Variants in RBFOX1 observed in about 807,000 individuals in gnomAD.
The protein encoded by RBFOX1 is RNA binding protein fox-1 homolog 1.
A neutral mutation model predicts 57.7 loss-of-function variants in RBFOX1; 8 were observed. The observed-to-expected ratio is 0.14, with a 90% CI of 0.08 to 0.25. The LOEUF (loss-of-function observed/expected upper bound fraction) is 0.25, where lower values mean the gene tolerates loss of function less well. Ranked by LOEUF, RBFOX1 falls within the 10% of genes least tolerant of loss-of-function variation. RBFOX1 has a pLI of 1.00. For synonymous variants in RBFOX1, 326 were observed against 222.4 expected, an observed-to-expected ratio of 1.47 and a Z score of -4.15; for missense variants, 611 against 548.5, an observed-to-expected ratio of 1.11 and a Z score of -1.14.
intron 4 of RBFOX1, among the ~76,000 whole-genome samples, chr16:7,325,930 G>T (rs1371006808): frequency 2.0e-5 from 3 of 152,148 alleles, no homozygotes; most frequent in Non-Finnish European, 4.4e-5. Context: ...TTGAGTGCAT[G>T]TCTGGCAGTG....
chr16:5,868,841 G>A (rs1418950635), intron 4 of RBFOX1, among the ~76,000 whole-genome samples: 1 of 152,190 alleles, frequency 6.6e-6, no homozygotes, highest in African/African-American at 2.4e-5. Flanking sequence ...GCTGTCGAGA[G>A]CATTAAAATG....
intron 3 of RBFOX1, among the ~76,000 whole-genome samples, chr16:6,847,058 C>A (rs962461594): frequency 6.6e-6 from 1 of 152,116 alleles, no homozygotes; most frequent in Non-Finnish European, 1.5e-5. Flanking sequence ...TTCTGCCTCT[C>A]TTGTAAAGTG....
chr16:7,024,363 G>T lies in RBFOX1; in HGVS notation c.-15-27694G>T, dbSNP rs1230752024. Among the ~76,000 whole-genome samples, 7 of 152,100 alleles carry T rather than the reference G, an allele frequency of 4.6e-5. No homozygotes were observed. The East Asian group carries it at 1.4e-3, about 29-fold the overall frequency. On this transcript the variant is annotated intron_variant, in intron 3 of 15. Transcript: ENST00000550418. ...TTTTTAAAATAATAATTCTTGGAGG[G>T]CAGTTGAGTGCAATGAAGCTTGATG...
At chr16:6,349,238 T>C (rs1257528584) in intron 2 of RBFOX1, among the ~76,000 whole-genome samples, 3 of 152,160 alleles carry the variant, frequency 2.0e-5, no homozygotes, top group South Asian at 4.1e-4. Context: ...TCAAAGCAGA[T>C]AAAACTTTCT....
At chr16:6,871,690 C>A (rs117188651) in intron 3 of RBFOX1, among the ~76,000 whole-genome samples, 1,838 of 152,204 alleles carry the variant, frequency 0.012, 21 homozygotes, top group Non-Finnish European at 0.02. Context: ...CTCTTGTCCC[C>A]ATTAATCTAT....
chr16:6,366,497 T>G (rs1189678706), intron 2 of RBFOX1, among the ~76,000 whole-genome samples: 4 of 152,306 alleles, frequency 2.6e-5, no homozygotes, highest in Admixed American at 6.5e-5. Flanking sequence ...GAGGTAAGAA[T>G]GGATTCGTTG....
At chr16:6,655,058 T>A (rs992573758) in intron 3 of RBFOX1, among the ~76,000 whole-genome samples, 1 of 151,668 alleles carries the variant, frequency 6.6e-6, no homozygotes, top group South Asian at 2.1e-4. Context: ...TGTGTCCCTA[T>A]ATATCTGACT....
At chr16:7,695,995 A>T (rs951865335) in intron 14 of RBFOX1, among the ~76,000 whole-genome samples, 1 of 152,214 alleles carries the variant, frequency 6.6e-6, no homozygotes, top group Non-Finnish European at 1.5e-5. Flanking sequence ...ATCATTAAGC[A>T]GTAGAACAGC....
chr16:7,681,847 C>T (rs772680420), intron 14 of RBFOX1, among the ~76,000 whole-genome samples: 1 of 152,006 alleles, frequency 6.6e-6, no homozygotes, highest in Admixed American at 6.6e-5. Flanking sequence ...TTATCTGAAC[C>T]AAGTTTGATA....
At chr16:5,260,159 C>G (rs1443995735) in intron 1 of RBFOX1, among the ~76,000 whole-genome samples, 1 of 152,180 alleles carries the variant, frequency 6.6e-6, no homozygotes, top group Non-Finnish European at 1.5e-5. Context: ...GAGATCATAC[C>G]ACTGCACTCC....
At chr16:5,346,158 G>A (rs1006659642) in intron 1 of RBFOX1, among the ~76,000 whole-genome samples, 10 of 152,164 alleles carry the variant, frequency 6.6e-5, no homozygotes, top group African/African-American at 2.4e-4. Context: ...CTGGGCTCTG[G>A]AGGCAGAGGG....
intron 2 of RBFOX1, among the ~76,000 whole-genome samples, chr16:6,448,089 G>T (rs1371399883): frequency 1.5e-5 from 2 of 134,186 alleles, no homozygotes; most frequent in East Asian, 2.3e-4. Context: ...ATTCATGTTT[G>T]TTCGTTTGGT....
intron 2 of RBFOX1, among the ~76,000 whole-genome samples, chr16:5,544,948 A>ATTTTTT (rs1229178204): frequency 8.9e-6 from 1 of 112,708 alleles, no homozygotes; most frequent in African/African-American, 3.9e-5. Context: ...TTACTATTAC[A>ATTTTTT]TTCTTTTTTT....
intron 4 of RBFOX1, among the ~76,000 whole-genome samples, chr16:7,182,770 C>A (rs1176279744): frequency 1.3e-5 from 2 of 152,106 alleles, no homozygotes; most frequent in African/African-American, 4.8e-5. Flanking sequence ...TTTGCCTCAC[C>A]CCTGACTTAG....
intron 1 of RBFOX1, among the ~76,000 whole-genome samples, chr16:6,227,827 C>T (rs917556388): frequency 6.6e-6 from 1 of 152,182 alleles, no homozygotes; most frequent in African/African-American, 2.4e-5. Flanking sequence ...CTCAGGTACA[C>T]ACAAATCTTT....
intron 4 of RBFOX1, among the ~76,000 whole-genome samples, chr16:7,504,944 C>T (rs892627806): frequency 1.3e-5 from 2 of 148,918 alleles, no homozygotes; most frequent in Non-Finnish European, 1.5e-5. Context: ...ACAGGTGAAG[C>T]CCTACGCAGC....
At chr16:6,914,221 T>C (rs1052860555) in intron 3 of RBFOX1, among the ~76,000 whole-genome samples, 30 of 152,222 alleles carry the variant, frequency 2.0e-4, no homozygotes, top group African/African-American at 6.3e-4. Context: ...TTAGCATATT[T>C]ATTCCTTGGT....
At chr16:5,296,013 C>G (rs1407965942) in intron 1 of RBFOX1, among the ~76,000 whole-genome samples, 1 of 152,192 alleles carries the variant, frequency 6.6e-6, no homozygotes, top group Non-Finnish European at 1.5e-5. Flanking sequence ...TTGTTAATAT[C>G]ATCAGGTTGA....
intron 4 of RBFOX1, among the ~76,000 whole-genome samples, chr16:7,292,104 T>C (rs1214523084): frequency 2.6e-5 from 2 of 76,552 alleles, no homozygotes; most frequent in South Asian, 6.8e-4. Context: ...TAATATATCA[T>C]GTATTATGTA....
Sources: gnomAD v4.1 joint callset for allele counts (sites outside exome capture counted in the v4.1 genomes callset) on GRCh38, gnomAD v4.1.1 for gene constraint, MANE v1.5 for transcripts, NCBI Gene and HGNC (gene_info 2026-07-23, HGNC 2026-07-21) for gene names.